BBX: variants seen among roughly 807,000 people sequenced by gnomAD.
BBX encodes the protein BBX high mobility group box domain containing, also known as HMG box transcription factor BBX.
BBX carries 30 observed loss-of-function variants against 100.2 expected under a neutral mutation model. The ratio of observed to expected loss-of-function variants is 0.30; its 90% CI spans 0.22 to 0.41. BBX has a LOEUF of 0.41. Among genes scored for constraint, BBX ranks in the 10% least tolerant of loss-of-function variants. BBX has a pLI of 1.00. For missense variants in BBX, 1,023 were observed against 1,129.8 expected (o/e 0.91, Z 1.35); for synonymous variants, 376 against 388.1 (o/e 0.97, Z 0.37).
chr3:107,532,848 T>C (rs2107315795), intron 2 of BBX, among the ~76,000 whole-genome samples: 1 of 152,338 alleles, frequency 6.6e-6, no homozygotes, highest in Middle Eastern at 3.4e-3. Flanking sequence ...AAATTTTAAT[T>C]TGCCATACGT....
At chr3:107,601,688 C>T (rs553246758) in intron 2 of BBX, among the ~76,000 whole-genome samples, 1 of 152,352 alleles carries the variant, frequency 6.6e-6, no homozygotes, top group South Asian at 2.1e-4. Context: ...AGGAAAGAAG[C>T]TGTCTCTATA....
intron 2 of BBX, among the ~76,000 whole-genome samples, chr3:107,640,085 C>A (rs931226446): frequency 1.3e-5 from 2 of 152,080 alleles, no homozygotes; most frequent in African/African-American, 2.4e-5. Flanking sequence ...ATTCTGAAGG[C>A]AACAATTAGA....
chr3:107,704,979 G>T (rs911817096), intron 3 of BBX, among the ~76,000 whole-genome samples: 2 of 152,084 alleles, frequency 1.3e-5, no homozygotes, highest in Admixed American at 6.5e-5. Flanking sequence ...AAGGAGAAAG[G>T]CTTCAAATTT....
intron 2 of BBX, among the ~76,000 whole-genome samples, chr3:107,576,882 G>A: frequency 6.6e-6 from 1 of 151,924 alleles, no homozygotes; most frequent in East Asian, 1.9e-4. Flanking sequence ...TATTTTTTGA[G>A]ATGGAGTCTC....
At chr3:107,795,290 C>T (rs2069506755) in intron 15 of BBX, among the ~76,000 whole-genome samples, 1 of 152,136 alleles carries the variant, frequency 6.6e-6, no homozygotes, top group African/African-American at 2.4e-5. Flanking sequence ...CAGAAAATTA[C>T]TTCTCGGATA....
chr3:107,551,119 A>C (rs1248673603), intron 2 of BBX, among the ~76,000 whole-genome samples: 1 of 152,256 alleles, frequency 6.6e-6, no homozygotes, highest in Non-Finnish European at 1.5e-5. Flanking sequence ...CAGGTAATTT[A>C]CAGCACAGTT....
At chr3:107,767,868 G>T (rs1560122483) in intron 10 of BBX, among the ~76,000 whole-genome samples, 1 of 152,072 alleles carries the variant, frequency 6.6e-6, no homozygotes, top group Non-Finnish European at 1.5e-5. Context: ...GGGAGACACT[G>T]ACAGGAGACT....
chr3:107,711,880 C>CT (rs35663170), intron 4 of BBX, among the ~76,000 whole-genome samples: 41 of 148,628 alleles, frequency 2.8e-4, no homozygotes, highest in East Asian at 3.9e-4. Context: ...TTTATCCTTT[C>CT]TTTTTTTTTT....
chr3:107,761,111 C>A (rs554712848), intron 10 of BBX, among the ~76,000 whole-genome samples: 1 of 152,038 alleles, frequency 6.6e-6, no homozygotes, highest in Non-Finnish European at 1.5e-5. Flanking sequence ...TATACCTGAC[C>A]GCCATACATA....
In BBX at chr3:107,695,502, G is replaced by A. The variant is rs1386804865; in HGVS notation, c.-9-14950G>A. Among the ~76,000 whole-genome samples the A allele has an allele frequency of 3.0e-3, 418 of 141,010 alleles. 1 individual carries two copies. The highest frequency in any genetic ancestry group is 0.014 in the Middle Eastern group (4 of 276). The allele number at this position is 141,010 out of a possible 152,430, so 92.5% of individuals were successfully genotyped here. ...TTGTTCAGTTTCCATGTAGTTGAGCGGTTTTGAGTGAGATTCTTAATCCTG... is the reference window on the plus strand; with the variant it reads ...TTGTTCAGTTTCCATGTAGTTGAGCAGTTTTGAGTGAGATTCTTAATCCTG... On this transcript the variant is annotated intron_variant, in intron 3 of 17. Transcript: ENST00000325805.
At chr3:107,660,505 T>TAAAA (rs34604623) in intron 3 of BBX, among the ~76,000 whole-genome samples, 2 of 101,284 alleles carry the variant, frequency 2.0e-5, no homozygotes, top group African/African-American at 3.6e-5. Context: ...CAAAAAGCAT[T>TAAAA]AAAAAAAAAA....
chr3:107,786,548 A>G (rs1371585060), intron 13 of BBX, among the ~76,000 whole-genome samples: 1 of 152,186 alleles, frequency 6.6e-6, no homozygotes, highest in Non-Finnish European at 1.5e-5. Flanking sequence ...TCCAATGAGA[A>G]CAGTAGAGTC....
At chr3:107,582,530 AC>A (rs2052362901) in intron 2 of BBX, among the ~76,000 whole-genome samples, 1 of 152,086 alleles carries the variant, frequency 6.6e-6, no homozygotes, top group Admixed American at 6.5e-5. Context: ...ACAAATTTCA[AC>A]AAAGGAGGGT....
intron 6 of BBX, among the ~76,000 whole-genome samples, chr3:107,729,189 C>G (rs933125981): frequency 1.3e-5 from 2 of 152,004 alleles, no homozygotes; most frequent in Admixed American, 6.6e-5. Context: ...ATGTGAATTC[C>G]TGACATTGAC....
intron 2 of BBX, among the ~76,000 whole-genome samples, chr3:107,591,135 T>G (rs1199973603): frequency 6.6e-6 from 1 of 152,250 alleles, no homozygotes; most frequent in East Asian, 1.9e-4. Context: ...TATAATAGAT[T>G]AAGCAGAGAA....
rs1225188621 is a variant in BBX at position 107,602,841 on chromosome 3, TA to T, written c.-83-42992del. On this transcript the variant is annotated intron_variant, in intron 2 of 17. Transcript: ENST00000325805. Reference sequence around the variant, plus strand: ...TTTTTCAAATGGAATCTACTTCTAATAAAGATGCTGTGAACATTGTTGAAAT... The same window carrying T: ...TTTTTCAAATGGAATCTACTTCTAATAAGATGCTGTGAACATTGTTGAAAT... Among the ~76,000 whole-genome samples the T allele has an allele frequency of 2.6e-5, 4 of 152,390 alleles. No individual in the cohort carries two copies. In the South Asian group the frequency reaches 8.3e-4, roughly 32 times the overall value.
intron 15 of BBX, among the ~76,000 whole-genome samples, chr3:107,796,413 A>G (rs536798381): frequency 3.5e-4 from 54 of 152,336 alleles, no homozygotes; most frequent in African/African-American, 1.2e-3. Context: ...GGGGAAGTAG[A>G]AAAGGGAAGA....
At chr3:107,706,018 G>GCTACTTTTT (rs2061373122) in intron 3 of BBX, among the ~76,000 whole-genome samples, 2 of 137,640 alleles carry the variant, frequency 1.5e-5, no homozygotes, top group African/African-American at 5.4e-5. Context: ...GAATGAGCTT[G>GCTACTTTTT]CTACTTTTTT....
intron 15 of BBX, among the ~76,000 whole-genome samples, chr3:107,796,744 T>C (rs996110278): frequency 6.6e-6 from 1 of 152,080 alleles, no homozygotes; most frequent in Non-Finnish European, 1.5e-5. Context: ...ACTTAAAATA[T>C]GTACCACCAC....
Sources: allele counts gnomAD v4.1 joint callset (sites outside exome capture counted in the v4.1 genomes callset), GRCh38; gene constraint gnomAD v4.1.1; transcripts MANE v1.5; gene names NCBI Gene and HGNC (gene_info 2026-07-23, HGNC 2026-07-21).